Variants in ATP6V0A2 observed in about 807,000 individuals in gnomAD.
ATP6V0A2 encodes ATPase H+ transporting V0 subunit a2.
A neutral mutation model predicts 104.4 loss-of-function variants in ATP6V0A2; 58 were observed. The ratio of observed to expected loss-of-function variants is 0.56; its 90% CI spans 0.45 to 0.69. The LOEUF (loss-of-function observed/expected upper bound fraction) is 0.69, where lower values mean the gene tolerates loss of function less well. Among genes scored for constraint, ATP6V0A2 ranks in the 30% least tolerant of loss-of-function variants. The pLI is 0.00. For missense variants in ATP6V0A2, 938 were observed against 1,062.9 expected (o/e 0.88, Z 1.63); for synonymous variants, 376 against 397.9 (o/e 0.95, Z 0.65).
chr12:123,736,414 G>T (rs953108789), intron 8 of ATP6V0A2, among the ~76,000 whole-genome samples: 2 of 150,960 alleles, frequency 1.3e-5, no homozygotes, highest in African/African-American at 2.4e-5. Context: ...GGTTGGTCTC[G>T]ATCTCCTGAC....
intron 1 of ATP6V0A2, among the ~76,000 whole-genome samples, chr12:123,715,523 G>A (rs1161830903): frequency 2.0e-5 from 3 of 152,190 alleles, no homozygotes; most frequent in Non-Finnish European, 4.4e-5. Flanking sequence ...TTCATGTCAA[G>A]TTGTATCTTA....
chr12:123,727,860 C>T lies in ATP6V0A2; in HGVS notation c.599C>T (p.Thr200Ile), dbSNP rs371858595. The T allele has an allele frequency of 1.8e-5, 29 of 1,614,182 alleles. No individual in the cohort carries two copies. Among genetic ancestry groups the T allele is most frequent in the Middle Eastern group, 3.3e-4 (2 of 6,062 alleles). ...KMLWRVCKGY[T>I]IVSYAELDES... ...TTGTGGAGAGTCTGCAAAGGGTACA[C>T]CATCGTGTCCTATGCAGAACTGGAT... is the stretch of plus-strand genomic sequence containing the variant. The change falls in exon 6 of 20, where the codon ACC (threonine) becomes ATC (isoleucine). Residue 200 changes from threonine to isoleucine, a missense_variant. By Grantham distance (89) the Thr-to-Ile change is moderately conservative (BLOSUM62 -1). Coordinates refer to ENST00000330342, the MANE Select transcript of ATP6V0A2 (RefSeq NM_012463.4).
At chr12:123,741,961 C>A (rs1334826785) in intron 9 of ATP6V0A2, among the ~76,000 whole-genome samples, 1 of 152,150 alleles carries the variant, frequency 6.6e-6, no homozygotes, top group Non-Finnish European at 1.5e-5. Flanking sequence ...GGTCCTGGAT[C>A]TGAGATGTCC....
In ATP6V0A2 at chr12:123,743,691, C is replaced by A. The variant is rs76451484; in HGVS notation, c.1039-94C>A. 0.016 allele frequency: 23,136 copies of A among 1,471,434 alleles called. 231 individuals are homozygous for A. Among genetic ancestry groups the A allele is most frequent in the Non-Finnish European group, 0.019 (20,544 of 1,058,058 alleles). The allele number at this position is 1,471,434 out of a possible 1,614,324, so 91.1% of individuals were successfully genotyped here. On this transcript the variant is annotated intron_variant, in intron 9 of 19. Coordinates refer to ENST00000330342, the MANE Select transcript of ATP6V0A2 (RefSeq NM_012463.4). Reference sequence around the variant, plus strand: ...AACAAAACAACACCACCAAAAAAAACCAAAAAACAAAGCAGTAACCCAGAT... The same window carrying A: ...AACAAAACAACACCACCAAAAAAAAACAAAAAACAAAGCAGTAACCCAGAT...
chr12:123,725,343 C>T (rs375385433), intron 4 of ATP6V0A2, among the ~76,000 whole-genome samples: 1 of 151,880 alleles, frequency 6.6e-6, no homozygotes, highest in East Asian at 1.9e-4. Flanking sequence ...AATTACAATA[C>T]TAAATATTTA....
chr12:123,735,023 T>C (rs1956536958), intron 7 of ATP6V0A2, among the ~76,000 whole-genome samples: 1 of 152,098 alleles, frequency 6.6e-6, no homozygotes. Flanking sequence ...ATGGCTGCAG[T>C]TTGGGGACAC....
In ATP6V0A2 at chr12:123,757,918, T is replaced by G; in HGVS notation, c.2466-9T>G. 1 of 1,558,538 alleles carries G rather than the reference T, an allele frequency of 6.4e-7. No individual in the cohort carries two copies. Among genetic ancestry groups the G allele is most frequent in the South Asian group, 1.2e-5 (1 of 86,470 alleles). ...TCTTCCATTAATACATGGCTTTTTT[T>G]TTTTTTAGGGTAGAATTTCAGAACA... On this transcript the variant is annotated splice_polypyrimidine_tract_variant and intron_variant, in intron 19 of 19. Transcript: ENST00000330342.
chr12:123,750,780 T>C (rs1956706906), intron 15 of ATP6V0A2: 1 of 356,144 alleles, frequency 2.8e-6, no homozygotes, highest in African/African-American at 2.1e-5. Flanking sequence ...ATACAAAATA[T>C]TCTGCTTGTG....
At chr12:123,717,726 G>A (rs956293919) in intron 1 of ATP6V0A2, among the ~76,000 whole-genome samples, 2 of 151,904 alleles carry the variant, frequency 1.3e-5, no homozygotes, top group African/African-American at 4.8e-5. Flanking sequence ...TTATCAACAC[G>A]AGCTGCTGTG....
Position 123,760,907 on chromosome 12 carries a change from A to G in ATP6V0A2, c.*2875A>G, listed in dbSNP as rs149741581. Reference sequence around the variant, plus strand: ...TCCCCTCAGCAGTTGTTTATTTAAAAATTTTTTTATTTTTTTTGAGACAGT... The same window carrying G: ...TCCCCTCAGCAGTTGTTTATTTAAAGATTTTTTTATTTTTTTTGAGACAGT... On this transcript the variant is annotated 3_prime_UTR_variant, in exon 20 of 20. Coordinates refer to ENST00000330342, the MANE Select transcript of ATP6V0A2 (RefSeq NM_012463.4). 6.6e-6 allele frequency: 1 copy of G among 152,176 alleles called. No homozygotes were observed. Among genetic ancestry groups the G allele is most frequent in the South Asian group, 2.1e-4 (1 of 4,808 alleles). The allele number at this position is 152,176 out of a possible 1,614,324, so 9.4% of individuals were successfully genotyped here. A position where few individuals can be genotyped will look rare whatever the true frequency, so the allele number is the denominator to read the frequency against.
At chr12:123,752,453 C>T in intron 17 of ATP6V0A2, 51 bp downstream of exon 17, 4 of 1,601,230 alleles carry the variant, frequency 2.5e-6, no homozygotes, top group Non-Finnish European at 3.4e-6. Context: ...ACCAAGCTTC[C>T]ATAGAGATAA....
rs141843766 is a variant in ATP6V0A2 at position 123,743,916 on chromosome 12, C to T, written c.1170C>T (p.Ser390=). ...TCGTGGATGCTTATGGAGTCGGAAGCTACAGAGAAGTCAATCCAGGTTGGA... is the reference window on the plus strand; with the variant it reads ...TCGTGGATGCTTATGGAGTCGGAAGTTACAGAGAAGTCAATCCAGGTTGGA... ...QNIVDAYGVG[S]YREVNPALFT... is the part of the protein sequence containing the mutation. Residue 390 remains serine (S), a synonymous_variant, in exon 10 of 20, where the codon AGC becomes AGT. Transcript: ENST00000330342. 5.6e-6 allele frequency: 9 copies of T among 1,614,160 alleles called. No homozygotes were observed. The highest frequency in any genetic ancestry group is 7.6e-6 in the Non-Finnish European group (9 of 1,180,026).
At position 123,757,916 on chromosome 12, in the gene ATP6V0A2, T is replaced by G. The variant is rs1956779819; in HGVS notation, c.2466-11T>G. Reference sequence around the variant, plus strand: ...AATCTTCCATTAATACATGGCTTTTTTTTTTTTTAGGGTAGAATTTCAGAA... The same window carrying G: ...AATCTTCCATTAATACATGGCTTTTGTTTTTTTTAGGGTAGAATTTCAGAA... On this transcript the variant is annotated splice_polypyrimidine_tract_variant and intron_variant, in intron 19 of 19. Coordinates refer to ENST00000330342, the MANE Select transcript of ATP6V0A2 (RefSeq NM_012463.4). 2 of 1,554,816 alleles carry G rather than the reference T, an allele frequency of 1.3e-6. No homozygotes were observed. Among genetic ancestry groups the G allele is most frequent in the Admixed American group, 3.5e-5 (2 of 57,194 alleles).
Position 123,712,482 on chromosome 12 carries a change from G to T in ATP6V0A2, c.-84G>T. 2 of 864,998 alleles carry T rather than the reference G, an allele frequency of 2.3e-6. No homozygotes were observed. The highest frequency in any genetic ancestry group is 3.9e-5 in the South Asian group (2 of 51,382). The allele number at this position is 864,998 out of a possible 1,614,324, so 53.6% of individuals were successfully genotyped here. ...GGCCACAGGAAGAGCTCGAGGCCCG[G>T]GCCGCACCGGCTGAGTGTGCGGGCC... On this transcript the variant is annotated 5_prime_UTR_variant, in exon 1 of 20. Transcript: ENST00000330342.
At chr12:123,753,991 G>A in intron 17 of ATP6V0A2, 1 of 199,604 alleles carries the variant, frequency 5.0e-6, no homozygotes, top group Admixed American at 5.4e-5. Flanking sequence ...TCCCTGGTTG[G>A]CTCTACTTAG....
chr12:123,756,749 G>A, intron 18 of ATP6V0A2, 66 bp from the exon 19 acceptor site: 1 of 1,563,102 alleles, frequency 6.4e-7, no homozygotes, highest in Non-Finnish European at 8.8e-7. Flanking sequence ...CTCAGTCCAG[G>A]TAGCTCACAG....
chr12:123,726,142 G>A, intron 4 of ATP6V0A2, 55 bp from the exon 5 acceptor site: 3 of 1,379,746 alleles, frequency 2.2e-6, no homozygotes, highest in Non-Finnish European at 2.1e-6. Flanking sequence ...TTTGACATGA[G>A]AAATAAAGTG....
chr12:123,728,040 C>A, intron 6 of ATP6V0A2, 131 bp downstream of exon 6: 1 of 1,166,080 alleles, frequency 8.6e-7, no homozygotes, highest in Non-Finnish European at 1.2e-6. Context: ...TCTCTTCAAC[C>A]ACGTGTAGTG....
intron 1 of ATP6V0A2, 137 bp downstream of exon 1, chr12:123,712,819 C>A: frequency 1.2e-6 from 1 of 820,206 alleles, no homozygotes; most frequent in Non-Finnish European, 2.0e-6. Flanking sequence ...GAAGATGACA[C>A]CCCAGCTCAG....
Sources: gnomAD v4.1 joint callset for allele counts (sites outside exome capture counted in the v4.1 genomes callset) on GRCh38, gnomAD v4.1.1 for gene constraint, MANE v1.5 for transcripts, NCBI Gene and HGNC (gene_info 2026-07-23, HGNC 2026-07-21) for gene names.